The following SGCZ variants were observed in gnomAD, a reference collection of about 807,000 sequenced individuals.
SGCZ encodes zeta-sarcoglycan.
A neutral mutation model predicts 41.3 loss-of-function variants in SGCZ; 40 were observed. The ratio of observed to expected loss-of-function variants is 0.97; its 90% CI spans 0.75 to 1.26. The LOEUF is 1.26. SGCZ is among the 50% of genes most tolerant of loss of function. SGCZ has a pLI of 0.00. For missense variants in SGCZ, 552 were observed against 369.8 expected (o/e 1.49, Z -4.04); for synonymous variants, 206 against 137.5 (o/e 1.50, Z -3.49).
rs556974844 is a variant in SGCZ, at chr8:14,802,861, A to T, written c.40-247935T>A. On this transcript the variant is annotated intron_variant, in intron 1 of 7. Coordinates refer to ENST00000382080, the MANE Select transcript of SGCZ (RefSeq NM_139167.4). ...CATTAACACCAAAGCATCCTGTTAC[A>T]GGCACTCAACTCACAGCCCACCTGC... Among the ~76,000 whole-genome samples, 11 of 152,276 alleles carry T rather than the reference A, an allele frequency of 7.2e-5. 1 individual carries two copies. In the South Asian group the frequency reaches 2.3e-3, roughly 32 times the overall value.
chr8:14,682,876 G>C (rs1200820304), intron 1 of SGCZ, among the ~76,000 whole-genome samples: 2 of 152,146 alleles, frequency 1.3e-5, no homozygotes, highest in Admixed American at 6.6e-5. Flanking sequence ...GCTAGATTCA[G>C]TATTGTTTAA....
intron 1 of SGCZ, among the ~76,000 whole-genome samples, chr8:14,768,277 T>C (rs1463306420): frequency 6.6e-6 from 1 of 152,230 alleles, no homozygotes; most frequent in Non-Finnish European, 1.5e-5. Flanking sequence ...GGCTGTGTTC[T>C]TCCATTGACT....
intron 2 of SGCZ, among the ~76,000 whole-genome samples, chr8:14,493,704 T>C (rs1383284743): frequency 6.6e-6 from 1 of 151,922 alleles, no homozygotes; most frequent in Admixed American, 6.6e-5. Context: ...CTTAATCTTG[T>C]TTTGGTTTGC....
chr8:15,178,292 G>A (rs1445377658), intron 1 of SGCZ, among the ~76,000 whole-genome samples: 1 of 151,100 alleles, frequency 6.6e-6, no homozygotes, highest in Non-Finnish European at 1.5e-5. Flanking sequence ...TATAAATTTT[G>A]TTTTACCAAT....
At chr8:14,940,086 A>G (rs1800220099) in intron 1 of SGCZ, among the ~76,000 whole-genome samples, 1 of 152,148 alleles carries the variant, frequency 6.6e-6, no homozygotes, top group African/African-American at 2.4e-5. Context: ...CTCTTAAGTC[A>G]CTGGAAAACA....
chr8:14,943,981 A>C (rs1800362072), intron 1 of SGCZ, among the ~76,000 whole-genome samples: 1 of 152,002 alleles, frequency 6.6e-6, no homozygotes, highest in South Asian at 2.1e-4. Context: ...TGTGTTCTTC[A>C]TACCATTTTC....
chr8:15,188,825 G>A (rs1256784057), intron 1 of SGCZ, among the ~76,000 whole-genome samples: 2 of 151,956 alleles, frequency 1.3e-5, no homozygotes, highest in African/African-American at 2.4e-5. Context: ...GAATAAGAAA[G>A]AAAGGAAGGG....
At chr8:14,361,732 A>C (rs919872855) in intron 2 of SGCZ, among the ~76,000 whole-genome samples, 2 of 152,036 alleles carry the variant, frequency 1.3e-5, no homozygotes, top group African/African-American at 4.8e-5. Flanking sequence ...GCTGGTGAGG[A>C]GTTGTGTTCC....
At chr8:15,227,418 A>G (rs1022509900) in intron 1 of SGCZ, among the ~76,000 whole-genome samples, 10 of 152,338 alleles carry the variant, frequency 6.6e-5, no homozygotes, top group Non-Finnish European at 1.0e-4. Flanking sequence ...CATACCAGAG[A>G]GTTCTAAGCA....
chr8:14,806,890 AG>A (rs1475842832), intron 1 of SGCZ, among the ~76,000 whole-genome samples: 3 of 151,014 alleles, frequency 2.0e-5, no homozygotes, highest in Non-Finnish European at 4.4e-5. Flanking sequence ...ACCATGATCA[AG>A]TGGGCTTCAT....
intron 1 of SGCZ, among the ~76,000 whole-genome samples, chr8:14,638,189 T>C (rs1170620279): frequency 6.6e-6 from 1 of 151,764 alleles, no homozygotes; most frequent in Non-Finnish European, 1.5e-5. Flanking sequence ...ATTCTTACAT[T>C]CTGTTCCCAA....
At chr8:14,401,725 G>A (rs1197584333) in intron 2 of SGCZ, among the ~76,000 whole-genome samples, 2 of 151,674 alleles carry the variant, frequency 1.3e-5, no homozygotes, top group Non-Finnish European at 2.9e-5. Flanking sequence ...CTTTGCTAAT[G>A]TGAATAATGC....
intron 1 of SGCZ, among the ~76,000 whole-genome samples, chr8:14,766,384 G>T (rs1451035636): frequency 6.6e-6 from 1 of 152,040 alleles, no homozygotes; most frequent in African/African-American, 2.4e-5. Context: ...TAACTCAAAA[G>T]AATTTGTTTA....
At chr8:14,371,653 A>G (rs1251891479) in intron 2 of SGCZ, among the ~76,000 whole-genome samples, 1 of 152,118 alleles carries the variant, frequency 6.6e-6, no homozygotes, top group African/African-American at 2.4e-5. Flanking sequence ...CCTATTAATT[A>G]ATCAATCAAA....
intron 1 of SGCZ, among the ~76,000 whole-genome samples, chr8:14,759,594 A>C (rs1799796393): frequency 6.6e-6 from 1 of 152,192 alleles, no homozygotes; most frequent in African/African-American, 2.4e-5. Context: ...ATTAAGATTC[A>C]TAGAGAGTCT....
intron 1 of SGCZ, among the ~76,000 whole-genome samples, chr8:14,584,718 T>A (rs1481754314): frequency 6.6e-6 from 1 of 152,012 alleles, no homozygotes; most frequent in African/African-American, 2.4e-5. Flanking sequence ...TATAGTAGAA[T>A]TCCATAATTA....
At chr8:15,143,634 C>T (rs1390228799) in intron 1 of SGCZ, among the ~76,000 whole-genome samples, 2 of 152,192 alleles carry the variant, frequency 1.3e-5, no homozygotes, top group Non-Finnish European at 2.9e-5. Context: ...ATCTCCTAGT[C>T]TCACTATGTC....
chr8:14,699,308 A>C (rs1165721508), intron 1 of SGCZ, among the ~76,000 whole-genome samples: 1 of 151,386 alleles, frequency 6.6e-6, no homozygotes, highest in Non-Finnish European at 1.5e-5. Flanking sequence ...CCCAGAAATA[A>C]AGCCACATAC....
intron 3 of SGCZ, among the ~76,000 whole-genome samples, chr8:14,307,699 A>G (rs569050337): frequency 6.6e-6 from 1 of 152,288 alleles, no homozygotes; most frequent in Non-Finnish European, 1.5e-5. Context: ...ATTATCTGAT[A>G]TAAATTTTAT....
Sources: gnomAD v4.1 joint callset for allele counts (sites outside exome capture counted in the v4.1 genomes callset) on GRCh38, gnomAD v4.1.1 for gene constraint, MANE v1.5 for transcripts, NCBI Gene and HGNC (gene_info 2026-07-23, HGNC 2026-07-21) for gene names.